Variants in SRPX observed in about 807,000 individuals in gnomAD.
SRPX encodes the protein sushi repeat containing protein X-linked.
In SRPX, 24 loss-of-function variants were observed where a neutral mutation model predicts 38.1. The observed-to-expected ratio is 0.63, with a 90% CI of 0.46 to 0.89. SRPX has a LOEUF of 0.89. Ranked by LOEUF, SRPX falls within the 40% of genes least tolerant of loss-of-function variation. The probability of loss-of-function intolerance (pLI) is 0.00; values close to 1 mark genes in which losing one functional copy is unlikely to be tolerated. For missense variants in SRPX, 416 were observed against 377.8 expected (o/e 1.10, Z -0.84); for synonymous variants, 184 against 153.8 (o/e 1.20, Z -1.45).
Position 38,171,863 on chromosome X carries a change from G to T in SRPX, c.526+18C>A. 1 of 1,209,311 alleles carries T rather than the reference G, an allele frequency of 8.3e-7. No homozygotes were observed. Among genetic ancestry groups the T allele is most frequent in the Non-Finnish European group, 1.1e-6 (1 of 893,728 alleles). Reference sequence around the variant, plus strand: ...CTCCCAAAGCAAGTGCCTCCTAAGGGCTGTGGCATTTTCTTACCCACACAG... The same window carrying T: ...CTCCCAAAGCAAGTGCCTCCTAAGGTCTGTGGCATTTTCTTACCCACACAG... On this transcript the variant is annotated intron_variant, in intron 4 of 9. Coordinates refer to ENST00000378533, the MANE Select transcript of SRPX (RefSeq NM_006307.5).
intron 4 of SRPX, among the ~76,000 whole-genome samples, chrX:38,170,095 G>T (rs1938441152): frequency 8.9e-6 from 1 of 111,755 alleles, no homozygotes; most frequent in South Asian, 3.8e-4. Flanking sequence ...CTGTGTAAGA[G>T]AATTAATTTT....
intron 1 of SRPX, among the ~76,000 whole-genome samples, chrX:38,207,858 C>T: frequency 8.9e-6 from 1 of 112,410 alleles, no homozygotes; most frequent in Non-Finnish European, 1.9e-5. Flanking sequence ...GAGGCTTCAA[C>T]TCCATTTAAA....
chrX:38,154,430 G>A, intron 9 of SRPX, 32 bp downstream of exon 9: 2 of 1,186,492 alleles, frequency 1.7e-6, no homozygotes, highest in Non-Finnish European at 2.3e-6. Context: ...CATTCACAGG[G>A]GATAAGATTT....
At chrX:38,184,640 A>G (rs1938737963) in intron 1 of SRPX, among the ~76,000 whole-genome samples, 1 of 111,911 alleles carries the variant, frequency 8.9e-6, no homozygotes, top group Admixed American at 9.5e-5. Context: ...AAAAGATGTT[A>G]GCTTTCAGTA....
At chrX:38,211,168 ACAT>A (rs1231964279) in intron 1 of SRPX, among the ~76,000 whole-genome samples, 1 of 112,372 alleles carries the variant, frequency 8.9e-6, no homozygotes, top group Non-Finnish European at 1.9e-5. Context: ...TTGTCACAAA[ACAT>A]TATTATTCTT....
chrX:38,189,880 A>T (rs1482128485), intron 1 of SRPX, among the ~76,000 whole-genome samples: 1 of 112,117 alleles, frequency 8.9e-6, no homozygotes, highest in Non-Finnish European at 1.9e-5. Flanking sequence ...AAAGGCTCTC[A>T]AAAGTTTTCT....
At chrX:38,158,099 C>A (rs1316407605) in intron 7 of SRPX, among the ~76,000 whole-genome samples, 1 of 112,137 alleles carries the variant, frequency 8.9e-6, no homozygotes, top group East Asian at 2.8e-4. Flanking sequence ...GAAAGGGGTG[C>A]AGAGAGGCAG....
chrX:38,158,844 G>T (rs944688464), intron 7 of SRPX, among the ~76,000 whole-genome samples: 3 of 110,349 alleles, frequency 2.7e-5, no homozygotes, highest in African/African-American at 9.9e-5. Flanking sequence ...GCCAGGCGTG[G>T]TGGCAGGCAC....
At chrX:38,204,994 TTTGGAAAAGCATGG>T (rs1469786105) in intron 1 of SRPX, among the ~76,000 whole-genome samples, 1 of 111,271 alleles carries the variant, frequency 9.0e-6, no homozygotes, top group African/African-American at 3.3e-5. Context: ...ACCAGCCTGG[TTTGGAAAAGCATGG>T]TAGGAGACAC....
intron 5 of SRPX, among the ~76,000 whole-genome samples, chrX:38,163,028 G>T (rs1004450875): frequency 8.9e-6 from 1 of 112,234 alleles, no homozygotes; most frequent in African/African-American, 3.2e-5. Context: ...GCCAGACATT[G>T]TGCTAGACCC....
intron 1 of SRPX, among the ~76,000 whole-genome samples, chrX:38,201,754 G>A (rs2147120209): frequency 9.2e-6 from 1 of 108,930 alleles, no homozygotes; most frequent in African/African-American, 3.4e-5. Flanking sequence ...AGGAGGCGGA[G>A]CTTGCAGTGA....
At chrX:38,184,839 T>C (rs752952260) in intron 1 of SRPX, among the ~76,000 whole-genome samples, 5 of 112,176 alleles carry the variant, frequency 4.5e-5, no homozygotes, top group Non-Finnish European at 9.4e-5. Context: ...TCTAGATTAG[T>C]GCTGTCCAAT....
intron 1 of SRPX, among the ~76,000 whole-genome samples, chrX:38,211,948 G>A (rs17320699): frequency 0.049 from 5,487 of 111,425 alleles, 238 homozygotes; most frequent in South Asian, 0.24. Context: ...CAGTGTCATT[G>A]ATTTCTGGTA....
chrX:38,169,148 T>A (rs1351641219), intron 4 of SRPX, among the ~76,000 whole-genome samples: 1 of 112,788 alleles, frequency 8.9e-6, no homozygotes, highest in Non-Finnish European at 1.9e-5. Context: ...TGAATCAGTA[T>A]CTCAGTCAAT....
In SRPX at chrX:38,161,039, G is replaced by T; in HGVS notation, c.669C>A (p.Gly223=). Residue 223 remains glycine (G), a synonymous_variant, in exon 6 of 10, where the codon GGC becomes GGA. Transcript: ENST00000378533. ...CTGGAAAGTTGGAGCCTGGGGGGAG[G>T]CCTTTTAGAATGACACTTAGAGAAA... is the stretch of plus-strand genomic sequence containing the variant. ...DGILTDVILK[G]LPPGSNFPEG... 1 of 1,209,720 alleles carries T rather than the reference G, an allele frequency of 8.3e-7. No individual in the cohort carries two copies. Among genetic ancestry groups the T allele is most frequent in the Non-Finnish European group, 1.1e-6 (1 of 894,832 alleles).
intron 2 of SRPX, among the ~76,000 whole-genome samples, chrX:38,175,372 C>T (rs1293554402): frequency 8.9e-6 from 1 of 111,844 alleles, no homozygotes; most frequent in Non-Finnish European, 1.9e-5. Context: ...GGAGGACAGA[C>T]CCTGTTTTAC....
At chrX:38,193,379 T>G (rs1207875920) in intron 1 of SRPX, among the ~76,000 whole-genome samples, 1 of 111,630 alleles carries the variant, frequency 9.0e-6, no homozygotes, top group Non-Finnish European at 1.9e-5. Flanking sequence ...CACAGCACAA[T>G]CAAACTGGGT....
At chrX:38,151,616 G>A (rs1938017329) in intron 9 of SRPX, among the ~76,000 whole-genome samples, 1 of 111,489 alleles carries the variant, frequency 9.0e-6, no homozygotes, top group South Asian at 3.8e-4. Context: ...AAACTGTCAT[G>A]GGAAGAGCTG....
chrX:38,200,950 T>C, intron 1 of SRPX, among the ~76,000 whole-genome samples: 1 of 112,105 alleles, frequency 8.9e-6, no homozygotes, highest in South Asian at 3.8e-4. Flanking sequence ...CTTTCAAAAA[T>C]GAGCTAATGT....
Sources: allele counts gnomAD v4.1 joint callset (sites outside exome capture counted in the v4.1 genomes callset), GRCh38; gene constraint gnomAD v4.1.1; transcripts MANE v1.5; gene names NCBI Gene and HGNC (gene_info 2026-07-23, HGNC 2026-07-21).